Variants in NFKB1 observed in about 807,000 individuals in gnomAD.
NFKB1 encodes nuclear factor kappa B subunit 1, also known as nuclear factor NF-kappa-B p105 subunit.
A neutral mutation model predicts 105.1 loss-of-function variants in NFKB1; 9 were observed. The observed-to-expected ratio is 0.09, with a 90% CI of 0.05 to 0.15. The LOEUF (loss-of-function observed/expected upper bound fraction) is 0.15. Ranked by LOEUF, NFKB1 falls within the 10% of genes least tolerant of loss-of-function variation. NFKB1 has a pLI of 1.00. For synonymous variants in NFKB1, 440 were observed against 442.2 expected (o/e 1.00, Z 0.06); for missense variants, 830 against 1,203.7 (o/e 0.69, Z 4.59).
intron 5 of NFKB1, among the ~76,000 whole-genome samples, chr4:102,540,087 A>G (rs993593639): frequency 4.6e-5 from 7 of 152,190 alleles, no homozygotes; most frequent in Non-Finnish European, 7.3e-5. Context: ...ACATGTTATC[A>G]GCATTGACAC....
At chr4:102,549,632 T>C (rs1012751334) in intron 5 of NFKB1, among the ~76,000 whole-genome samples, 1 of 152,016 alleles carries the variant, frequency 6.6e-6, no homozygotes, top group African/African-American at 2.4e-5. Flanking sequence ...CTCAGCCACT[T>C]GTTTGACATT....
chr4:102,568,357 G>A (rs1724046844), intron 6 of NFKB1, among the ~76,000 whole-genome samples: 1 of 152,096 alleles, frequency 6.6e-6, no homozygotes, highest in Non-Finnish European at 1.5e-5. Flanking sequence ...TGCTTTATAT[G>A]AACTTGTTTC....
At chr4:102,529,544 C>T (rs1332069422) in intron 2 of NFKB1, among the ~76,000 whole-genome samples, 1 of 152,124 alleles carries the variant, frequency 6.6e-6, no homozygotes, top group Non-Finnish European at 1.5e-5. Context: ...TGAAGATATA[C>T]CAGTAAGCAA....
At chr4:102,609,611 C>CAAAAAAAAAAA (rs34646774) in intron 19 of NFKB1, among the ~76,000 whole-genome samples, 3 of 64,248 alleles carry the variant, frequency 4.7e-5, no homozygotes, top group African/African-American at 1.2e-4. Context: ...GACTCCATCT[C>CAAAAAAAAAAA]AAAAAAAAAA....
intron 3 of NFKB1, among the ~76,000 whole-genome samples, chr4:102,531,216 G>T (rs138700516): frequency 1.8e-3 from 278 of 152,228 alleles, no homozygotes; most frequent in African/African-American, 6.0e-3. Flanking sequence ...ATGAAAATAA[G>T]ATTATCAAGA....
chr4:102,604,193 C>T (rs12509403), intron 16 of NFKB1, among the ~76,000 whole-genome samples: 47,230 of 151,964 alleles, frequency 0.31, 7,723 homozygotes, highest in East Asian at 0.41. Context: ...TACAAATGTA[C>T]GTATACTTGA....
rs76685177 is a variant in NFKB1, at chr4:102,568,512, A to G, written c.407+1377A>G. On this transcript the variant is annotated intron_variant, in intron 6 of 23. Transcript: ENST00000226574. ...TATCACAGTTTTAGACTGATTGATC[A>G]CTTAGTGTTTCTGCAGATTTATTCC... Among the ~76,000 whole-genome samples, 1,404 of 152,186 alleles carry G rather than the reference A, an allele frequency of 9.2e-3. 15 individuals are homozygous for G. The highest frequency in any genetic ancestry group is 0.031 in the African/African-American group (1,287 of 41,542).
At chr4:102,567,266 A>G in intron 6 of NFKB1, 131 bp downstream of exon 6, 1 of 958,540 alleles carries the variant, frequency 1.0e-6, no homozygotes, top group South Asian at 1.8e-5. Flanking sequence ...AAACTGTGTA[A>G]ACTTGTGCTT....
chr4:102,612,699 A>C, intron 22 of NFKB1, 93 bp downstream of exon 22: 1 of 1,239,712 alleles, frequency 8.1e-7, no homozygotes, highest in Non-Finnish European at 1.1e-6. Flanking sequence ...CTTTTCCTTA[A>C]CTCTGAAGAA....
Position 102,596,292 on chromosome 4 carries a change from G to A in NFKB1, c.1455G>A (p.Thr485=), listed in dbSNP as rs774225964. 6.1e-5 allele frequency: 98 copies of A among 1,612,314 alleles called. No homozygotes were observed. The highest frequency in any genetic ancestry group is 1.3e-4 in the African/African-American group (10 of 74,902). Residue 485 remains threonine (T), a synonymous_variant, in exon 14 of 24, where the codon ACG becomes ACA. Transcript: ENST00000226574. ...ATVGNGEVTL[T]YATGTKEESA... ...TTGGGAATGGTGAGGTCACTCTAAC[G>A]TATGCAACAGGAACAAAAGAAGAGA... is the stretch of plus-strand genomic sequence containing the variant.
At chr4:102,602,089 T>C (rs1335471678) in intron 16 of NFKB1, among the ~76,000 whole-genome samples, 1 of 152,212 alleles carries the variant, frequency 6.6e-6, no homozygotes, top group South Asian at 2.1e-4. Context: ...TCCTGCTCTC[T>C]CAGTTTTTAT....
At chr4:102,601,965 C>T (rs1054702008) in intron 16 of NFKB1, among the ~76,000 whole-genome samples, 1 of 152,078 alleles carries the variant, frequency 6.6e-6, no homozygotes, top group African/African-American at 2.4e-5. Flanking sequence ...TTCATCGACC[C>T]GAAGCATCTT....
At chr4:102,609,060 G>A (rs758318017) in intron 19 of NFKB1, among the ~76,000 whole-genome samples, 1 of 150,804 alleles carries the variant, frequency 6.6e-6, no homozygotes, top group Non-Finnish European at 1.5e-5. Context: ...GGCCGAGGTA[G>A]AAGTATCACT....
At chr4:102,582,317 G>T (rs1725375350) in intron 9 of NFKB1, among the ~76,000 whole-genome samples, 1 of 152,094 alleles carries the variant, frequency 6.6e-6, no homozygotes, top group Non-Finnish European at 1.5e-5. Flanking sequence ...GTTCAGCCTT[G>T]GATAAGTACT....
At chr4:102,543,785 T>G (rs943221268) in intron 5 of NFKB1, among the ~76,000 whole-genome samples, 23 of 152,142 alleles carry the variant, frequency 1.5e-4, no homozygotes, top group African/African-American at 5.1e-4. Flanking sequence ...TTTGGATCTA[T>G]TTGGAGTACT....
intron 1 of NFKB1, among the ~76,000 whole-genome samples, chr4:102,504,072 T>C (rs1026761719): frequency 2.0e-5 from 3 of 152,158 alleles, no homozygotes; most frequent in African/African-American, 7.2e-5. Context: ...TTCTGGCTTC[T>C]GGGGGGAAGT....
At chr4:102,541,870 T>C (rs1742019169) in intron 5 of NFKB1, among the ~76,000 whole-genome samples, 1 of 152,156 alleles carries the variant, frequency 6.6e-6, no homozygotes, top group South Asian at 2.1e-4. Context: ...ACACCCTGTC[T>C]TCCTGTCATG....
intron 1 of NFKB1, among the ~76,000 whole-genome samples, chr4:102,519,033 T>C (rs375072750): frequency 1.5e-3 from 223 of 152,132 alleles, no homozygotes; most frequent in African/African-American, 5.0e-3. Context: ...TTGAGTGGCA[T>C]ATAAAAAAAA....
At chr4:102,616,412 A>G (rs768233623) in intron 23 of NFKB1, 22 bp from the exon 24 acceptor site, 1 of 1,612,202 alleles carries the variant, frequency 6.2e-7, no homozygotes, top group Non-Finnish European at 8.5e-7. Flanking sequence ...TCCCCCAGTG[A>G]ATTTGTGCTT....
Sources: gnomAD v4.1 joint callset for allele counts (sites outside exome capture counted in the v4.1 genomes callset) on GRCh38, gnomAD v4.1.1 for gene constraint, MANE v1.5 for transcripts, NCBI Gene and HGNC (gene_info 2026-07-23, HGNC 2026-07-21) for gene names.